Variants in PPP3CB observed in about 807,000 individuals in gnomAD.
The protein encoded by PPP3CB is serine/threonine-protein phosphatase 2B catalytic subunit beta isoform.
PPP3CB carries 8 observed loss-of-function variants against 66.4 expected under a neutral mutation model. The observed-to-expected ratio is 0.12, with a 90% CI of 0.07 to 0.22. The LOEUF is 0.22. PPP3CB is among the 10% of genes least tolerant of loss of function. PPP3CB has a pLI of 1.00. For synonymous variants in PPP3CB, 208 were observed against 221.2 expected, an observed-to-expected ratio of 0.94 and a Z score of 0.53; for missense variants, 319 against 642.5, an observed-to-expected ratio of 0.50 and a Z score of 5.44.
intron 9 of PPP3CB, among the ~76,000 whole-genome samples, chr10:73,460,265 C>CAAAAAAAAAAA (rs11447229): frequency 2.2e-4 from 8 of 35,820 alleles, no homozygotes; most frequent in East Asian, 9.1e-4. Context: ...AAAGTAATAG[C>CAAAAAAAAAAA]AAAAAAAAAA....
chr10:73,487,776 G>A (rs941360811), intron 1 of PPP3CB, among the ~76,000 whole-genome samples: 7 of 151,320 alleles, frequency 4.6e-5, no homozygotes, highest in Non-Finnish European at 8.8e-5. Flanking sequence ...GTTTGGTCAG[G>A]CAAGTTTTTG....
intron 10 of PPP3CB, among the ~76,000 whole-genome samples, chr10:73,451,121 T>C (rs947477528): frequency 1.3e-5 from 2 of 152,070 alleles, no homozygotes; most frequent in African/African-American, 2.4e-5. Flanking sequence ...TTTTTTCTTA[T>C]TATTATAAGA....
intron 10 of PPP3CB, among the ~76,000 whole-genome samples, chr10:73,450,449 G>A (rs555539451): frequency 2.6e-5 from 4 of 152,202 alleles, no homozygotes; most frequent in South Asian, 2.1e-4. Flanking sequence ...GTATCTATCC[G>A]AATCTCCTCC....
At chr10:73,458,716 A>G (rs1045796736) in intron 9 of PPP3CB, among the ~76,000 whole-genome samples, 3 of 150,794 alleles carry the variant, frequency 2.0e-5, no homozygotes, top group Admixed American at 6.6e-5. Context: ...ATGTATATTT[A>G]TTAAAATATA....
intron 1 of PPP3CB, among the ~76,000 whole-genome samples, chr10:73,494,635 T>A (rs1050713260): frequency 1.1e-4 from 16 of 151,446 alleles, no homozygotes; most frequent in Non-Finnish European, 1.9e-4. Context: ...AAGGCTCAGG[T>A]TGAAAATTTT....
chr10:73,466,386 C>T (rs749738515), intron 9 of PPP3CB, among the ~76,000 whole-genome samples: 1 of 152,124 alleles, frequency 6.6e-6, no homozygotes, highest in Non-Finnish European at 1.5e-5. Flanking sequence ...CTTCCTGGCC[C>T]CTCCATCCTT....
chr10:73,477,027 T>C (rs2056801336), intron 3 of PPP3CB: 1 of 394,286 alleles, frequency 2.5e-6, no homozygotes, highest in Non-Finnish European at 4.9e-6. Flanking sequence ...CTAGGGAAGG[T>C]GGTTAAAAGC....
intron 1 of PPP3CB, among the ~76,000 whole-genome samples, chr10:73,481,646 A>C (rs74534060): frequency 1.3e-5 from 2 of 151,754 alleles, no homozygotes; most frequent in South Asian, 2.1e-4. Context: ...AAAAAAAAAA[A>C]CTAGGTTAGA....
At chr10:73,482,542 C>CAA (rs537336452) in intron 1 of PPP3CB, among the ~76,000 whole-genome samples, 883 of 32,562 alleles carry the variant, frequency 0.027, 13 homozygotes, top group East Asian at 0.048. Context: ...GACTCCGTCT[C>CAA]AAAAAAAAAA....
At chr10:73,445,029 T>C (rs2056224832) in intron 11 of PPP3CB, among the ~76,000 whole-genome samples, 1 of 152,202 alleles carries the variant, frequency 6.6e-6, no homozygotes, top group Non-Finnish European at 1.5e-5. Flanking sequence ...CATATATTGT[T>C]TTTCCTGAAA....
At chr10:73,445,409 A>T (rs2056230654) in intron 11 of PPP3CB, among the ~76,000 whole-genome samples, 1 of 152,216 alleles carries the variant, frequency 6.6e-6, no homozygotes, top group Non-Finnish European at 1.5e-5. Flanking sequence ...CTTAGCTTCA[A>T]AGGGACTTGT....
At chr10:73,478,257 A>G (rs945162637) in intron 3 of PPP3CB, among the ~76,000 whole-genome samples, 3 of 152,254 alleles carry the variant, frequency 2.0e-5, no homozygotes, top group Non-Finnish European at 4.4e-5. Context: ...CCCCTCAGTC[A>G]GCTCATAAAT....
chr10:73,478,250 C>T (rs898081947), intron 3 of PPP3CB, among the ~76,000 whole-genome samples: 1 of 152,102 alleles, frequency 6.6e-6, no homozygotes, highest in Non-Finnish European at 1.5e-5. Context: ...ATAAAGACCC[C>T]TCAGTCAGCT....
chr10:73,462,982 A>C (rs2056551718), intron 9 of PPP3CB, among the ~76,000 whole-genome samples: 1 of 149,330 alleles, frequency 6.7e-6, no homozygotes, highest in African/African-American at 2.5e-5. Context: ...AAAAAAAGGA[A>C]GAAAATGACA....
Position 73,495,978 on chromosome 10 carries a change from G to C in PPP3CB, c.-89C>G. On this transcript the variant is annotated 5_prime_UTR_variant, in exon 1 of 14. Transcript: ENST00000360663. ...CAGAGCCAAGCGGCGGCGCCGCCGGGGAACATGGCGGACCCTCTTTCCCTA... is the reference window on the plus strand; with the variant it reads ...CAGAGCCAAGCGGCGGCGCCGCCGGCGAACATGGCGGACCCTCTTTCCCTA... The C allele has an allele frequency of 1.2e-6, 1 of 809,682 alleles. No individual in the cohort carries two copies. Among genetic ancestry groups the C allele is most frequent in the Non-Finnish European group, 1.7e-6 (1 of 605,372 alleles). The allele number at this position is 809,682 out of a possible 1,614,324, so 50.2% of individuals were successfully genotyped here.
chr10:73,444,478 T>C, intron 12 of PPP3CB: 2 of 1,135,472 alleles, frequency 1.8e-6, no homozygotes, highest in South Asian at 3.2e-5. Flanking sequence ...TGCTCCCATA[T>C]CATTTCATGA....
intron 10 of PPP3CB, among the ~76,000 whole-genome samples, chr10:73,449,695 T>C (rs1272541781): frequency 2.0e-5 from 3 of 152,218 alleles, no homozygotes; most frequent in Middle Eastern, 3.2e-3. Flanking sequence ...ACATTAGTGT[T>C]AATGCAAATT....
chr10:73,439,954 T>G (rs1449266499), intron 12 of PPP3CB, 53 bp from the exon 13 acceptor site: 1 of 1,542,210 alleles, frequency 6.5e-7, no homozygotes, highest in Non-Finnish European at 9.0e-7. Context: ...ATGAGAAGGG[T>G]CATATTGTAC....
At chr10:73,479,219 G>A (rs1280785836) in intron 2 of PPP3CB, 98 bp downstream of exon 2, 2 of 1,093,256 alleles carry the variant, frequency 1.8e-6, no homozygotes, top group African/African-American at 3.2e-5. Context: ...AAGTAATATT[G>A]ATTTAGCATA....
Sources: allele counts gnomAD v4.1 joint callset (sites outside exome capture counted in the v4.1 genomes callset), GRCh38; gene constraint gnomAD v4.1.1; transcripts MANE v1.5; gene names NCBI Gene and HGNC (gene_info 2026-07-23, HGNC 2026-07-21).